ZRANB3: variants seen among roughly 807,000 people sequenced by gnomAD.
ZRANB3 encodes zinc finger RANBP2-type containing 3, also known as DNA annealing helicase and endonuclease ZRANB3.
In ZRANB3, 125 loss-of-function variants were observed where a neutral mutation model predicts 133.8. The ratio of observed to expected loss-of-function variants is 0.93; its 90% CI spans 0.81 to 1.08. The LOEUF (loss-of-function observed/expected upper bound fraction) is 1.08. ZRANB3 is among the 50% of genes least tolerant of loss of function. The pLI, the probability that ZRANB3 is intolerant of heterozygous loss-of-function variation, is 0.00. For missense variants in ZRANB3, 1,229 were observed against 1,275.5 expected (o/e 0.96, Z 0.56); for synonymous variants, 387 against 432.7 (o/e 0.89, Z 1.31).
At chr2:135,294,206 A>T (rs1192907566) in intron 8 of ZRANB3, among the ~76,000 whole-genome samples, 1 of 152,084 alleles carries the variant, frequency 6.6e-6, no homozygotes, top group African/African-American at 2.4e-5. Context: ...TAGAATTTGG[A>T]TATGAATCCA....
At chr2:135,313,144 G>A (rs1317352812) in intron 8 of ZRANB3, among the ~76,000 whole-genome samples, 1 of 151,726 alleles carries the variant, frequency 6.6e-6, no homozygotes, top group Non-Finnish European at 1.5e-5. Context: ...ATATATGGTT[G>A]GATACAGCAT....
At chr2:135,400,614 G>C (rs905970118) in intron 2 of ZRANB3, among the ~76,000 whole-genome samples, 36 of 152,244 alleles carry the variant, frequency 2.4e-4, no homozygotes, top group African/African-American at 7.7e-4. Context: ...CATAACTTTT[G>C]GCACTGTACC....
At chr2:135,233,923 G>A (rs1357459794) in intron 12 of ZRANB3, among the ~76,000 whole-genome samples, 1 of 152,126 alleles carries the variant, frequency 6.6e-6, no homozygotes, top group African/African-American at 2.4e-5. Flanking sequence ...ATAATGACAG[G>A]ATCAAATTCA....
intron 3 of ZRANB3, among the ~76,000 whole-genome samples, chr2:135,385,923 G>C (rs188066441): frequency 0.01 from 1,579 of 152,174 alleles, 24 homozygotes; most frequent in African/African-American, 0.036. Flanking sequence ...ATTCAGGACA[G>C]AGGCATGGGC....
intron 2 of ZRANB3, among the ~76,000 whole-genome samples, chr2:135,450,326 G>C (rs949557562): frequency 1.3e-5 from 2 of 150,308 alleles, no homozygotes; most frequent in Non-Finnish European, 3.0e-5. Flanking sequence ...CTCGCTTATT[G>C]AGAGCTTATA....
intron 8 of ZRANB3, among the ~76,000 whole-genome samples, chr2:135,288,873 C>CGT (rs57200280): frequency 0.044 from 6,285 of 141,306 alleles, 154 homozygotes; most frequent in Middle Eastern, 0.094. Flanking sequence ...CTTCATTTAT[C>CGT]GTGTGTGTGT....
intron 2 of ZRANB3, among the ~76,000 whole-genome samples, chr2:135,476,753 G>A (rs1024350674): frequency 6.7e-6 from 1 of 150,370 alleles, no homozygotes. Flanking sequence ...TCCCAGGCTG[G>A]AGGGCAGTGG....
At chr2:135,496,402 A>C (rs931073134) in intron 2 of ZRANB3, among the ~76,000 whole-genome samples, 3 of 146,658 alleles carry the variant, frequency 2.0e-5, no homozygotes, top group African/African-American at 5.3e-5. Context: ...AAAAAAAAAA[A>C]AAAAAAAAAA....
chr2:135,376,805 C>T (rs376390793), intron 3 of ZRANB3, among the ~76,000 whole-genome samples: 22 of 152,076 alleles, frequency 1.4e-4, no homozygotes, highest in Non-Finnish European at 2.8e-4. Flanking sequence ...TGAACTTTAT[C>T]GCATAAAGAG....
intron 6 of ZRANB3, among the ~76,000 whole-genome samples, chr2:135,324,350 T>C (rs1035923913): frequency 6.6e-6 from 1 of 151,986 alleles, no homozygotes; most frequent in East Asian, 1.9e-4. Flanking sequence ...TTTGTTCTTG[T>C]GATACTTTGC....
At chr2:135,267,097 TA>T (rs1234913728) in intron 11 of ZRANB3, among the ~76,000 whole-genome samples, 1 of 152,228 alleles carries the variant, frequency 6.6e-6, no homozygotes, top group African/African-American at 2.4e-5. Flanking sequence ...ATAAATCTCT[TA>T]AAATATTTTA....
intron 3 of ZRANB3, among the ~76,000 whole-genome samples, chr2:135,358,941 T>A (rs1001613870): frequency 6.6e-6 from 1 of 151,748 alleles, no homozygotes; most frequent in African/African-American, 2.4e-5. Context: ...CCCCACCCCA[T>A]AAGCCCAATA....
chr2:135,371,116 AGTT>A (rs1229120266), intron 3 of ZRANB3, among the ~76,000 whole-genome samples: 2 of 152,216 alleles, frequency 1.3e-5, no homozygotes, highest in Non-Finnish European at 2.9e-5. Flanking sequence ...ACACCAATAA[AGTT>A]GTGGCCTCTT....
At chr2:135,495,889 T>C (rs1376079486) in intron 2 of ZRANB3, among the ~76,000 whole-genome samples, 5 of 152,180 alleles carry the variant, frequency 3.3e-5, no homozygotes, top group Admixed American at 3.3e-4. Context: ...TAAATTATAC[T>C]TAATTTTTTA....
intron 12 of ZRANB3, among the ~76,000 whole-genome samples, chr2:135,241,764 T>G (rs1018022220): frequency 6.6e-6 from 1 of 152,054 alleles, no homozygotes; most frequent in African/African-American, 2.4e-5. Flanking sequence ...TACAGAAAGA[T>G]AAATAGGTAC....
chr2:135,465,047 GA>G (rs1223017318), intron 2 of ZRANB3, among the ~76,000 whole-genome samples: 1 of 152,176 alleles, frequency 6.6e-6, no homozygotes, highest in Non-Finnish European at 1.5e-5. Context: ...AGAGCAAATG[GA>G]GAACAAAATC....
intron 2 of ZRANB3, among the ~76,000 whole-genome samples, chr2:135,407,673 T>C (rs1343550167): frequency 6.6e-6 from 1 of 151,806 alleles, no homozygotes; most frequent in African/African-American, 2.4e-5. Context: ...ATGCCGAATA[T>C]CTACAGTCAT....
chr2:135,356,406 TTTTA>T (rs1685437417), intron 3 of ZRANB3, among the ~76,000 whole-genome samples: 2 of 152,134 alleles, frequency 1.3e-5, no homozygotes, highest in African/African-American at 4.8e-5. Context: ...TATATATAAT[TTTTA>T]TTTGTCAAAT....
At chr2:135,456,842 C>T (rs1354379133) in intron 2 of ZRANB3, among the ~76,000 whole-genome samples, 2 of 152,192 alleles carry the variant, frequency 1.3e-5, no homozygotes, top group African/African-American at 4.8e-5. Flanking sequence ...GAATCTACCA[C>T]CTCTGACAGC....
Sources: gnomAD v4.1 joint callset for allele counts (sites outside exome capture counted in the v4.1 genomes callset) on GRCh38, gnomAD v4.1.1 for gene constraint, MANE v1.5 for transcripts, NCBI Gene and HGNC (gene_info 2026-07-23, HGNC 2026-07-21) for gene names.